The following CNTN5 variants were observed in gnomAD, a reference collection of about 807,000 sequenced individuals.
The protein encoded by CNTN5 is contactin-5.
Under a neutral mutation model 129.1 loss-of-function variants are expected in CNTN5, and 77 were observed. That is an observed-to-expected ratio of 0.60 (90% CI 0.50 to 0.72). CNTN5 has a LOEUF of 0.72. CNTN5 is among the 30% of genes least tolerant of loss of function. The pLI, the probability that CNTN5 is intolerant of heterozygous loss-of-function variation, is 0.00. For synonymous variants in CNTN5, 509 were observed against 465.6 expected (o/e 1.09, Z -1.20); for missense variants, 1,478 against 1,328.8 (o/e 1.11, Z -1.75).
At chr11:100,052,250 A>G (rs1049673904) in intron 9 of CNTN5, among the ~76,000 whole-genome samples, 1 of 151,994 alleles carries the variant, frequency 6.6e-6, no homozygotes, top group Admixed American at 6.6e-5. Context: ...TACACCTACA[A>G]AAAGTCAATA....
At chr11:99,272,298 CTTT>C (rs766257853) in intron 1 of CNTN5, among the ~76,000 whole-genome samples, 1 of 144,566 alleles carries the variant, frequency 6.9e-6, no homozygotes, top group Admixed American at 6.9e-5. Context: ...AGTAAGCAGT[CTTT>C]TTTTTTTTTA....
At chr11:100,108,229 G>T (rs1945521679) in intron 13 of CNTN5, among the ~76,000 whole-genome samples, 1 of 152,002 alleles carries the variant, frequency 6.6e-6, no homozygotes. Context: ...ATGTTATTGA[G>T]CTTGGATAGA....
At chr11:99,338,052 T>A (rs894273876) in intron 2 of CNTN5, among the ~76,000 whole-genome samples, 1 of 152,156 alleles carries the variant, frequency 6.6e-6, no homozygotes, top group African/African-American at 2.4e-5. Flanking sequence ...TGCTGTAAAA[T>A]AGAAAATTAA....
At chr11:100,221,981 A>G (rs1949275274) in intron 15 of CNTN5, among the ~76,000 whole-genome samples, 1 of 152,216 alleles carries the variant, frequency 6.6e-6, no homozygotes, top group Admixed American at 6.5e-5. Flanking sequence ...GGAACTGCAT[A>G]CTGTGAGCTG....
intron 3 of CNTN5, among the ~76,000 whole-genome samples, chr11:99,615,513 A>G (rs1173683488): frequency 6.6e-6 from 1 of 152,200 alleles, no homozygotes; most frequent in Non-Finnish European, 1.5e-5. Flanking sequence ...TCTTCTGATG[A>G]TGACAGCTTA....
chr11:99,847,357 G>A (rs1164282459), intron 6 of CNTN5, among the ~76,000 whole-genome samples: 1 of 152,166 alleles, frequency 6.6e-6, no homozygotes, highest in African/African-American at 2.4e-5. Context: ...ACCAGGCATG[G>A]GAAATACTGT....
chr11:99,548,075 AT>A lies in CNTN5; in HGVS notation c.-70-8065del, dbSNP rs753868789. ...ACAATTATATGTGTTTTCTATTGTT[AT>A]TTTTCCCTTTATGAATTTTATAGCT... is the stretch of plus-strand genomic sequence containing the variant. On this transcript the variant is annotated intron_variant, in intron 2 of 24. Coordinates refer to ENST00000524871, the MANE Select transcript of CNTN5 (RefSeq NM_014361.4). Among the ~76,000 whole-genome samples the A allele has an allele frequency of 3.3e-5, 5 of 152,002 alleles. No individual in the cohort carries two copies. In the East Asian group the frequency reaches 7.7e-4, roughly 24 times the overall value.
intron 3 of CNTN5, among the ~76,000 whole-genome samples, chr11:99,717,909 C>A (rs369828004): frequency 3.3e-5 from 5 of 152,054 alleles, no homozygotes; most frequent in African/African-American, 9.7e-5. Flanking sequence ...ATTTAAGTTG[C>A]ATAGATCCAA....
At chr11:100,227,388 A>C (rs571179040) in intron 16 of CNTN5, among the ~76,000 whole-genome samples, 1 of 152,264 alleles carries the variant, frequency 6.6e-6, no homozygotes, top group East Asian at 1.9e-4. Context: ...TTGCCTATTT[A>C]GAATCTGAGT....
At chr11:100,222,742 C>T (rs1949291249) in intron 15 of CNTN5, among the ~76,000 whole-genome samples, 1 of 151,928 alleles carries the variant, frequency 6.6e-6, no homozygotes, top group South Asian at 2.1e-4. Context: ...ATCAAATCCT[C>T]CCTGATTTGT....
chr11:100,147,865 A>T (rs917485185), intron 13 of CNTN5, among the ~76,000 whole-genome samples: 1 of 151,984 alleles, frequency 6.6e-6, no homozygotes, highest in African/African-American at 2.4e-5. Flanking sequence ...TATAAATAAA[A>T]CTCACTGATG....
intron 7 of CNTN5, among the ~76,000 whole-genome samples, chr11:99,921,828 A>G (rs1949947434): frequency 6.6e-6 from 1 of 152,294 alleles, no homozygotes; most frequent in African/African-American, 2.4e-5. Flanking sequence ...ACTTTGATGG[A>G]AAAGTCATAA....
chr11:99,828,517 C>T (rs940475807), intron 4 of CNTN5, among the ~76,000 whole-genome samples: 16 of 152,154 alleles, frequency 1.1e-4, no homozygotes, highest in African/African-American at 2.9e-4. Context: ...AAAGTCCCAC[C>T]TCTTAATGCT....
chr11:99,387,938 T>G (rs1941012827), intron 2 of CNTN5, among the ~76,000 whole-genome samples: 1 of 150,550 alleles, frequency 6.6e-6, no homozygotes, highest in African/African-American at 2.4e-5. Flanking sequence ...TGAAAGTATC[T>G]GGGGGTGAGG....
rs1003761451 is a variant in CNTN5 at position 100,340,724 on chromosome 11, G to T, written c.2917+75G>T. The stretch of plus-strand genomic sequence containing the variant: ...ATAACATTTCTCAAAGCCACGTGAG[G>T]TGCATAATAAGCAGAGTCAAAGGGG... On this transcript the variant is annotated intron_variant, in intron 22 of 24. Coordinates refer to ENST00000524871, the MANE Select transcript of CNTN5 (RefSeq NM_014361.4). 1.1e-5 allele frequency: 14 copies of T among 1,306,234 alleles called. No individual in the cohort carries two copies. The African/African-American group carries it at 1.8e-4, about 17-fold the overall frequency. 80.9% of individuals were successfully genotyped at this position (1,306,234 alleles called of 1,614,324 possible).
chr11:99,427,856 A>G (rs2102273), intron 2 of CNTN5, among the ~76,000 whole-genome samples: 38,721 of 151,418 alleles, frequency 0.26, 5,204 homozygotes, highest in East Asian at 0.42. Context: ...TGGTTTTTTA[A>G]ACAATTATTT....
intron 1 of CNTN5, among the ~76,000 whole-genome samples, chr11:99,306,728 C>T (rs910098550): frequency 5.6e-5 from 8 of 143,352 alleles, no homozygotes; most frequent in African/African-American, 7.8e-5. Flanking sequence ...AGCAAGACTC[C>T]GTCTCAAAAA....
At chr11:99,232,566 G>A (rs1861057961) in intron 1 of CNTN5, among the ~76,000 whole-genome samples, 1 of 152,092 alleles carries the variant, frequency 6.6e-6, no homozygotes, top group African/African-American at 2.4e-5. Flanking sequence ...GTTGAATGGA[G>A]TTTTCTAGAT....
Position 100,178,426 on chromosome 11 carries a change from C to A in CNTN5, c.1581-12700C>A, listed in dbSNP as rs560416050. Among the ~76,000 whole-genome samples the A allele has an allele frequency of 3.9e-4, 59 of 152,238 alleles. 1 individual carries two copies. The highest frequency in any genetic ancestry group is 7.4e-4 in the Non-Finnish European group (50 of 68,004). On this transcript the variant is annotated intron_variant, in intron 13 of 24. Coordinates refer to ENST00000524871, the MANE Select transcript of CNTN5 (RefSeq NM_014361.4). ...TCCACTTGTAACTGGACTCCTCCAG[C>A]TTTTATTGGTCCTTCCTTCTGAGCT...
Sources: allele counts gnomAD v4.1 joint callset (sites outside exome capture counted in the v4.1 genomes callset), GRCh38; gene constraint gnomAD v4.1.1; transcripts MANE v1.5; gene names NCBI Gene and HGNC (gene_info 2026-07-23, HGNC 2026-07-21).